The following VPS37A variants were observed in gnomAD, a reference collection of about 807,000 sequenced individuals.
VPS37A encodes the protein VPS37A subunit of ESCRT-I.
VPS37A carries 30 observed loss-of-function variants against 49.8 expected under a neutral mutation model. The ratio of observed to expected loss-of-function variants is 0.60; its 90% CI spans 0.45 to 0.82. The LOEUF is 0.82. Among genes scored for constraint, VPS37A ranks in the 40% least tolerant of loss-of-function variants. The probability of loss-of-function intolerance (pLI) is 0.00; values close to 1 mark genes in which losing one functional copy is unlikely to be tolerated. For synonymous variants in VPS37A, 195 were observed against 160.6 expected (o/e 1.21, Z -1.62); for missense variants, 593 against 464.4 (o/e 1.28, Z -2.55).
rs557993046 is a variant in VPS37A, at chr8:17,295,028, C to A, written c.*42C>A. 2 of 152,652 alleles carry A rather than the reference C, an allele frequency of 1.3e-5. No individual in the cohort carries two copies. Among genetic ancestry groups the A allele is most frequent in the African/African-American group, 4.8e-5 (2 of 41,448 alleles). 9.5% of individuals were successfully genotyped at this position (152,652 alleles called of 1,614,324 possible). A position where few individuals can be genotyped will look rare whatever the true frequency, so the allele number is the denominator to read the frequency against. On this transcript the variant is annotated 3_prime_UTR_variant, in exon 12 of 12. Coordinates refer to ENST00000324849, the MANE Select transcript of VPS37A (RefSeq NM_152415.3). ...GAACTGCCAAGAGAGGAATGGGACA[C>A]AAAACCAAACACTGTTTTATATTTA...
the VPS37A span, among the ~76,000 whole-genome samples, chr8:17,309,685 C>T: frequency 5.9e-5 from 9 of 152,282 alleles, no homozygotes; most frequent in East Asian, 5.8e-4. Flanking sequence ...GTTTCATATT[C>T]GCCCAAGATC....
chr8:17,314,819 G>T, the VPS37A span, among the ~76,000 whole-genome samples: 1 of 152,202 alleles, frequency 6.6e-6, no homozygotes, highest in East Asian at 1.9e-4. Context: ...GTCGGTGAAG[G>T]GACAGCCCTT....
intron 10 of VPS37A, 77 bp from the exon 11 acceptor site, chr8:17,286,270 C>G: frequency 7.0e-6 from 8 of 1,142,042 alleles, no homozygotes; most frequent in Non-Finnish European, 8.8e-6. Context: ...TAAAAGCTTC[C>G]TGTCATACTG....
At position 17,258,194 on chromosome 8, in the gene VPS37A, A is replaced by C. The variant is rs1458871985; in HGVS notation, c.126-7713A>C. Reference sequence around the variant, plus strand: ...AGACTTCCACTATTATATTGGATAAAAGTTTGAAAGTGGGCATGCTTGTCT... The same window carrying C: ...AGACTTCCACTATTATATTGGATAACAGTTTGAAAGTGGGCATGCTTGTCT... On this transcript the variant is annotated intron_variant, in intron 1 of 11. Coordinates refer to ENST00000324849, the MANE Select transcript of VPS37A (RefSeq NM_152415.3). Among the ~76,000 whole-genome samples the C allele has an allele frequency of 2.0e-5, 3 of 152,180 alleles. No homozygotes were observed. In the East Asian group the frequency reaches 5.8e-4, roughly 29 times the overall value.
At chr8:17,250,169 T>C (rs1179543269) in intron 1 of VPS37A, among the ~76,000 whole-genome samples, 4 of 152,172 alleles carry the variant, frequency 2.6e-5, no homozygotes, top group African/African-American at 9.7e-5. Context: ...TTTCTATGAC[T>C]TCTTCAATGG....
intron 6 of VPS37A, among the ~76,000 whole-genome samples, chr8:17,278,214 G>A (rs984074326): frequency 4.6e-5 from 7 of 152,072 alleles, no homozygotes; most frequent in African/African-American, 1.2e-4. Flanking sequence ...TGAGGCAGCA[G>A]TGAGGTCTGG....
the VPS37A span, among the ~76,000 whole-genome samples, chr8:17,318,919 A>G: frequency 6.6e-6 from 1 of 152,042 alleles, no homozygotes; most frequent in Non-Finnish European, 1.5e-5. Flanking sequence ...CACATCTCCA[A>G]CGTCTCCTGA....
the VPS37A span, among the ~76,000 whole-genome samples, chr8:17,328,565 G>A: frequency 6.6e-6 from 1 of 152,072 alleles, no homozygotes; most frequent in Non-Finnish European, 1.5e-5. Flanking sequence ...GGGGCCTGTT[G>A]GCGGGGGTGG....
chr8:17,260,097 T>G (rs1053956546), intron 1 of VPS37A, among the ~76,000 whole-genome samples: 3 of 152,118 alleles, frequency 2.0e-5, no homozygotes, highest in Non-Finnish European at 4.4e-5. Context: ...TTCTTCCATT[T>G]TGTTGATTGT....
chr8:17,271,598 T>G (rs1813998911), intron 4 of VPS37A, among the ~76,000 whole-genome samples: 1 of 151,846 alleles, frequency 6.6e-6, no homozygotes, highest in African/African-American at 2.4e-5. Flanking sequence ...AGAGCAAGAC[T>G]CCGTCTCAAA....
chr8:17,284,706 C>CTA, intron 10 of VPS37A, 90 bp downstream of exon 10: 1 of 1,394,132 alleles, frequency 7.2e-7, no homozygotes, highest in East Asian at 2.6e-5. Context: ...AGCTATTTCT[C>CTA]TATTATGATA....
In VPS37A at chr8:17,295,838, C is replaced by G. The variant is rs1197709972; in HGVS notation, c.*852C>G. 1.3e-5 allele frequency: 2 copies of G among 152,142 alleles called. No individual in the cohort carries two copies. Among genetic ancestry groups the G allele is most frequent in the African/African-American group, 4.8e-5 (2 of 41,436 alleles). 9.4% of individuals were successfully genotyped at this position (152,142 alleles called of 1,614,324 possible). ...TTTTCTGACCTTTACTGTGAGTTAC[C>G]TTTTCCTAAGAGGAAAGCTATAGTA... On this transcript the variant is annotated 3_prime_UTR_variant, in exon 12 of 12. Coordinates refer to ENST00000324849, the MANE Select transcript of VPS37A (RefSeq NM_152415.3).
chr8:17,280,135 A>G lies in VPS37A; in HGVS notation c.821A>G (p.Lys274Arg), dbSNP rs375567069. 8 of 1,612,638 alleles carry G rather than the reference A, an allele frequency of 5.0e-6. No individual in the cohort carries two copies. In the African/African-American group the frequency reaches 8.0e-5, roughly 16 times the overall value. ...QIITDKDDLV[K>R]SIEELARKNL... ...ATTACCGACAAAGATGACTTAGTAAAAAGTATTGAGGAACTAGCAAGTATG... is the reference window on the plus strand; with the variant it reads ...ATTACCGACAAAGATGACTTAGTAAGAAGTATTGAGGAACTAGCAAGTATG... Residue 274 changes from lysine (K) to arginine (R), a missense_variant, in exon 7 of 12, where the codon AAA becomes AGA. Transcript: ENST00000324849.
At chr8:17,309,830 T>A in the VPS37A span, among the ~76,000 whole-genome samples, 1 of 152,156 alleles carries the variant, frequency 6.6e-6, no homozygotes, top group Non-Finnish European at 1.5e-5. Flanking sequence ...GGGAAGTTTT[T>A]CAGTGATCTT....
chr8:17,250,960 C>G (rs965524866), intron 1 of VPS37A, among the ~76,000 whole-genome samples: 1 of 152,178 alleles, frequency 6.6e-6, no homozygotes, highest in Non-Finnish European at 1.5e-5. Context: ...CTAAGTATCA[C>G]TTACCACAGT....
intron 1 of VPS37A, 62 bp from the exon 2 acceptor site, chr8:17,265,845 T>G (rs568612248): frequency 2.5e-6 from 4 of 1,611,086 alleles, no homozygotes; most frequent in Non-Finnish European, 2.5e-6. Flanking sequence ...GCACTTAACA[T>G]TGGTTTTTAA....
chr8:17,320,526 T>C, the VPS37A span, among the ~76,000 whole-genome samples: 1 of 152,042 alleles, frequency 6.6e-6, no homozygotes, highest in African/African-American at 2.4e-5. Context: ...AAGGAGGACA[T>C]ACAGAAGCTG....
downstream of VPS37A, chr8:17,299,698 T>A: frequency 1.2e-6 from 1 of 856,322 alleles, no homozygotes; most frequent in Non-Finnish European, 1.8e-6. Flanking sequence ...CTCTTCAGTA[T>A]CTAAGAAATC....
At chr8:17,318,680 C>T in the VPS37A span, among the ~76,000 whole-genome samples, 2 of 152,176 alleles carry the variant, frequency 1.3e-5, no homozygotes, top group African/African-American at 4.8e-5. Flanking sequence ...TTAGGGTCTG[C>T]TACAGGTATT....
Sources: gnomAD v4.1 joint callset for allele counts (sites outside exome capture counted in the v4.1 genomes callset) on GRCh38, gnomAD v4.1.1 for gene constraint, MANE v1.5 for transcripts, NCBI Gene and HGNC (gene_info 2026-07-23, HGNC 2026-07-21) for gene names.